Variants in LRPPRC observed in about 807,000 individuals in gnomAD.
LRPPRC encodes the protein leucine rich pentatricopeptide repeat containing.
A neutral mutation model predicts 180.3 loss-of-function variants in LRPPRC; 120 were observed. The observed-to-expected ratio is 0.67, with a 90% CI of 0.57 to 0.77. The LOEUF is 0.77. Among genes scored for constraint, LRPPRC ranks in the 30% least tolerant of loss-of-function variants. LRPPRC has a pLI of 0.00. For missense variants in LRPPRC, 2,012 were observed against 1,657.2 expected (o/e 1.21, Z -3.72); for synonymous variants, 723 against 600.0 (o/e 1.21, Z -3.00).
chr2:43,945,185 A>G (rs1036385270), intron 22 of LRPPRC, 147 bp downstream of exon 22: 13 of 655,012 alleles, frequency 2.0e-5, no homozygotes, highest in Admixed American at 1.7e-4. Context: ...TACACTGTCC[A>G]TGTAGCTCTG....
chr2:43,973,927 C>A (rs777592793), intron 9 of LRPPRC, 27 bp from the exon 10 acceptor site: 2 of 1,386,034 alleles, frequency 1.4e-6, no homozygotes, highest in Non-Finnish European at 2.1e-6. Flanking sequence ...ACCACATTAG[C>A]TGGATTGGCA....
intron 14 of LRPPRC, among the ~76,000 whole-genome samples, chr2:43,953,509 A>G (rs1315253810): frequency 6.6e-6 from 1 of 152,230 alleles, no homozygotes; most frequent in African/African-American, 2.4e-5. Flanking sequence ...TTTGTTAAAC[A>G]TATTTAAACA....
At chr2:43,911,807 A>G (rs1671271547) in intron 30 of LRPPRC, among the ~76,000 whole-genome samples, 1 of 152,102 alleles carries the variant, frequency 6.6e-6, no homozygotes, top group Non-Finnish European at 1.5e-5. Context: ...GATTACGGGC[A>G]TGAGCCACCG....
In LRPPRC at chr2:43,939,529, C is replaced by T. The variant is rs991701850; in HGVS notation, c.2504+4158G>A. On this transcript the variant is annotated intron_variant, in intron 23 of 37. Transcript: ENST00000260665. The stretch of plus-strand genomic sequence containing the variant: ...AAACAAACAAAAACCAAACTGAACT[C>T]CTTAAAAACAAACTATCTTACAAAT... Among the ~76,000 whole-genome samples, 5 of 152,038 alleles carry T rather than the reference C, an allele frequency of 3.3e-5. No homozygotes were observed. In the South Asian group the frequency reaches 8.3e-4, roughly 25 times the overall value.
upstream of LRPPRC, chr2:43,996,059 G>T (rs1441276737): frequency 3.7e-6 from 4 of 1,068,062 alleles, no homozygotes; most frequent in East Asian, 1.2e-4. Flanking sequence ...TGCCAAATGT[G>T]GGGGGAGCGA....
chr2:43,927,666 T>C (rs1245661152), intron 25 of LRPPRC, among the ~76,000 whole-genome samples: 4 of 152,220 alleles, frequency 2.6e-5, no homozygotes, highest in African/African-American at 9.6e-5. Flanking sequence ...CTTACAACTT[T>C]CAATATTACT....
At chr2:43,967,054 G>C (rs1559028130) in intron 11 of LRPPRC, among the ~76,000 whole-genome samples, 2 of 151,870 alleles carry the variant, frequency 1.3e-5, no homozygotes, top group Non-Finnish European at 2.9e-5. Flanking sequence ...AACTAGCTGA[G>C]GTGATGGATA....
chr2:43,977,013 C>T lies in LRPPRC; in HGVS notation c.631G>A (p.Gly211Arg), dbSNP rs1674087204. 2.5e-6 allele frequency: 4 copies of T among 1,613,208 alleles called. No individual in the cohort carries two copies. Among genetic ancestry groups the T allele is most frequent in the Non-Finnish European group, 3.4e-6 (4 of 1,179,514 alleles). ...CCATACCTGGCACCTTCAATATCTC[C>T]TACATTACAATAAGAAGCAATCAAT... ...QRLIASYCNV[G>R]DIEGASKILG... Residue 211 changes from glycine to arginine, a missense_variant, in exon 5 of 38, where the codon GGA (glycine) becomes AGA (arginine). Gly to Arg is a moderately radical substitution (Grantham distance 125). Coordinates refer to ENST00000260665, the MANE Select transcript of LRPPRC (RefSeq NM_133259.4).
Position 43,965,656 on chromosome 2 carries a change from A to G in LRPPRC, c.1370-1950T>C, listed in dbSNP as rs1673523448. On this transcript the variant is annotated intron_variant, in intron 11 of 37. Coordinates refer to ENST00000260665, the MANE Select transcript of LRPPRC (RefSeq NM_133259.4). ...TAAAATATATAATAAGGAACTCACA[A>G]ATTTCAATAGCAAAAAAACCCCAAA... Among the ~76,000 whole-genome samples, 6 of 152,182 alleles carry G rather than the reference A, an allele frequency of 3.9e-5. No individual in the cohort carries two copies. The South Asian group carries it at 1.2e-3, about 32-fold the overall frequency.
At position 43,943,681 on chromosome 2, in the gene LRPPRC, A is replaced by T. The variant is rs753928549; in HGVS notation, c.2504+6T>A. 1.2e-6 allele frequency: 2 copies of T among 1,608,964 alleles called. No individual in the cohort carries two copies. The highest frequency in any genetic ancestry group is 2.2e-5 in the South Asian group (2 of 90,972). On this transcript the variant is annotated splice_donor_region_variant and intron_variant, in intron 23 of 37. Coordinates refer to ENST00000260665, the MANE Select transcript of LRPPRC (RefSeq NM_133259.4). ...ACATTTAAAATTCAAAATTCAATTA[A>T]CTTACTTTTCCAAGTGTACAGTGAC... is the stretch of plus-strand genomic sequence containing the variant.
rs200591352 is a variant in LRPPRC at position 43,991,034 on chromosome 2, T to TTA, written c.149+4764_149+4765insTA. ...CTAACTTATGTATAGATACTTTTAT[T>TTA]TTTTTTTTTTTTTGAGATGGGGTCT... On this transcript the variant is annotated intron_variant, in intron 1 of 37. Transcript: ENST00000260665. 5.9e-3 allele frequency among the ~76,000 whole-genome samples: 860 copies of TTA among 146,460 alleles called. 8 individuals are homozygous for TTA. The highest frequency in any genetic ancestry group is 0.02 in the African/African-American group (816 of 40,130).
At chr2:43,978,342 A>G (rs1473445161) in intron 3 of LRPPRC, among the ~76,000 whole-genome samples, 1 of 152,178 alleles carries the variant, frequency 6.6e-6, no homozygotes, top group Non-Finnish European at 1.5e-5. Flanking sequence ...GCATCATGCT[A>G]CTGTCAAACA....
chr2:43,982,572 T>C (rs1455698972), intron 1 of LRPPRC, 138 bp from the exon 2 acceptor site: 1 of 666,022 alleles, frequency 1.5e-6, no homozygotes, highest in Non-Finnish European at 2.6e-6. Context: ...AGGTATGAAC[T>C]AATGGGAAAG....
At position 43,925,082 on chromosome 2, in the gene LRPPRC, G is replaced by C; in HGVS notation, c.2881C>G (p.Leu961Val). 1 of 1,567,430 alleles carries C rather than the reference G, an allele frequency of 6.4e-7. No homozygotes were observed. The highest frequency in any genetic ancestry group is 8.8e-7 in the Non-Finnish European group (1 of 1,137,480). ...AATCACTTACTATACAGTTTTAGCA[G>C]ATTGTAGTACATCTGGTCTCTATCA... ...ECDRDQMYYN[L>V]LKLYKINGDW... The change falls in exon 27 of 38, where the codon CTG (leucine) becomes GTG (valine). Residue 961 changes from leucine (L) to valine (V), a missense_variant. Leu to Val is a conservative substitution (Grantham distance 32). Coordinates refer to ENST00000260665, the MANE Select transcript of LRPPRC (RefSeq NM_133259.4).
At chr2:43,950,134 C>A (rs919625795) in intron 15 of LRPPRC, among the ~76,000 whole-genome samples, 1 of 152,064 alleles carries the variant, frequency 6.6e-6, no homozygotes. Context: ...TATTTAATAA[C>A]AACTTCCATT....
chr2:43,995,246 G>A (rs771345726), intron 1 of LRPPRC, among the ~76,000 whole-genome samples: 1 of 152,256 alleles, frequency 6.6e-6, no homozygotes, highest in African/African-American at 2.4e-5. Flanking sequence ...AAATGCTGAA[G>A]GAAAACTCCA....
At position 43,991,691 on chromosome 2, in the gene LRPPRC, T is replaced by C. The variant is rs930894795; in HGVS notation, c.149+4108A>G. The stretch of plus-strand genomic sequence containing the variant: ...AGAAAGCATCTATTTGAAAAATAGA[T>C]GTACTGAGATGGGAAAATGAAGAGC... On this transcript the variant is annotated intron_variant, in intron 1 of 37. Coordinates refer to ENST00000260665, the MANE Select transcript of LRPPRC (RefSeq NM_133259.4). Among the ~76,000 whole-genome samples, 9 of 152,142 alleles carry C rather than the reference T, an allele frequency of 5.9e-5. 1 individual carries two copies. The highest frequency in any genetic ancestry group is 2.2e-4 in the African/African-American group (9 of 41,434).
intron 36 of LRPPRC, among the ~76,000 whole-genome samples, chr2:43,892,267 G>A (rs988549529): frequency 6.6e-6 from 1 of 152,236 alleles, no homozygotes; most frequent in Non-Finnish European, 1.5e-5. Flanking sequence ...CATAGCTAGA[G>A]AGGAAAAGCT....
intron 7 of LRPPRC, 146 bp downstream of exon 7, chr2:43,974,945 A>C: frequency 1.0e-6 from 1 of 957,338 alleles, no homozygotes; most frequent in Non-Finnish European, 1.6e-6. Flanking sequence ...GAGATACTAA[A>C]CTATAATAAT....
Sources: gnomAD v4.1 joint callset for allele counts (sites outside exome capture counted in the v4.1 genomes callset) on GRCh38, gnomAD v4.1.1 for gene constraint, MANE v1.5 for transcripts, NCBI Gene and HGNC (gene_info 2026-07-23, HGNC 2026-07-21) for gene names.